The following ZC3H7B variants were observed in gnomAD, a reference collection of about 807,000 sequenced individuals.
The protein encoded by ZC3H7B is zinc finger CCCH domain-containing protein 7B.
Under a neutral mutation model 116.0 loss-of-function variants are expected in ZC3H7B, and 35 were observed. That is an observed-to-expected ratio of 0.30 (90% CI 0.23 to 0.40). The LOEUF (loss-of-function observed/expected upper bound fraction) is 0.40. Ranked by LOEUF, ZC3H7B falls within the 10% of genes least tolerant of loss-of-function variation. The pLI is 1.00. For synonymous variants in ZC3H7B, 502 were observed against 545.6 expected (o/e 0.92, Z 1.11); for missense variants, 1,011 against 1,321.5 (o/e 0.77, Z 3.64).
chr22:41,342,566 A>G lies in ZC3H7B; in HGVS notation c.1235A>G (p.Lys412Arg), dbSNP rs764848114. 10 of 1,613,340 alleles carry G rather than the reference A, an allele frequency of 6.2e-6. No homozygotes were observed. In the East Asian group the frequency reaches 1.6e-4, roughly 25 times the overall value. ...PCMPNTALLIKNPLAATHEFK... is the reference protein window; with the variant it reads ...PCMPNTALLIRNPLAATHEFK... ...ATGCCCAACACTGCCTTGCTCATCA[A>G]GAACCCCTTGGCTGCCACCCACGAG... The change falls in exon 12 of 23, where the codon AAG (lysine) becomes AGG (arginine). Residue 412 changes from lysine to arginine, a missense_variant. By Grantham distance (26) the Lys-to-Arg change is conservative (BLOSUM62 2). This residue lies in a region of ZC3H7B where 5 missense variants were observed against 19.3 expected (regional missense o/e 0.26). Transcript: ENST00000352645.
At chr22:41,330,202 G>A (rs2036364694) in intron 6 of ZC3H7B, 99 bp downstream of exon 6, 6 of 1,280,074 alleles carry the variant, frequency 4.7e-6, no homozygotes, top group South Asian at 1.3e-5. Context: ...GGTGGCCAGG[G>A]CTGGGTTAGG....
chr22:41,349,159 C>T lies in ZC3H7B; in HGVS notation c.1806C>T (p.Tyr602=), dbSNP rs1569242719. 1 of 1,613,842 alleles carries T rather than the reference C, an allele frequency of 6.2e-7. No homozygotes were observed. The highest frequency in any genetic ancestry group is 8.5e-7 in the Non-Finnish European group (1 of 1,180,016). ...VHIVRSTSLK[Y]SKIRQFQEHF... ...TCGTCCGCTCCACCTCCCTCAAGTA[C>T]TCCAAGATCCGCCAGTTCCAGGAGC... The change falls in exon 16 of 23, where the codon TAC becomes TAT. Residue 602 remains tyrosine (Y), a synonymous_variant. Coordinates refer to ENST00000352645, the MANE Select transcript of ZC3H7B (RefSeq NM_017590.6). The surrounding 1 kb of genome is among the most constrained non-coding windows in gnomAD (Gnocchi z 4.9).
At chr22:41,323,481 G>C (rs2036282223) in intron 2 of ZC3H7B, among the ~76,000 whole-genome samples, 1 of 152,236 alleles carries the variant, frequency 6.6e-6, no homozygotes, top group Non-Finnish European at 1.5e-5. Context: ...CATTGTGAAG[G>C]TTAAGGGACC....
Position 41,309,008 on chromosome 22 carries a change from C to CTTTTTTTTTTTTT in ZC3H7B, c.-7+7245_-7+7257dup, listed in dbSNP as rs57147100. ...GGGCCTTCCCTAAACTCCCAGTCTG[C>CTTTTTTTTTTTTT]TTTTTTTTTTTTTTTTTTTTTGAGA... On this transcript the variant is annotated intron_variant, in intron 1 of 22. Coordinates refer to ENST00000352645, the MANE Select transcript of ZC3H7B (RefSeq NM_017590.6). 1.3e-3 allele frequency among the ~76,000 whole-genome samples: 131 copies of CTTTTTTTTTTTTT among 103,278 alleles called. 12 individuals carry two copies. Among genetic ancestry groups the CTTTTTTTTTTTTT allele is most frequent in the African/African-American group, 2.0e-3 (60 of 29,684 alleles). The allele number at this position is 103,278 out of a possible 152,430, so 67.8% of individuals were successfully genotyped here.
At position 41,346,310 on chromosome 22, in the gene ZC3H7B, G is replaced by A. The variant is rs749085992; in HGVS notation, c.1665+102G>A. ...CCATAGGAAGTCAGCCCTGGAACCCGTGGGCTGTGGAGGCCTGGTCTTAGA... is the reference window on the plus strand; with the variant it reads ...CCATAGGAAGTCAGCCCTGGAACCCATGGGCTGTGGAGGCCTGGTCTTAGA... On this transcript the variant is annotated intron_variant, in intron 14 of 22. Transcript: ENST00000352645. The surrounding 1 kb of genome is among the most constrained non-coding windows in gnomAD (Gnocchi z 5.3). The A allele has an allele frequency of 7.5e-5, 100 of 1,328,720 alleles. No individual in the cohort carries two copies. The highest frequency in any genetic ancestry group is 2.5e-4 in the Middle Eastern group (1 of 3,932). 82.3% of individuals were successfully genotyped at this position (1,328,720 alleles called of 1,614,324 possible).
intron 10 of ZC3H7B, among the ~76,000 whole-genome samples, chr22:41,340,790 G>A (rs2036512608): frequency 2.0e-5 from 3 of 152,168 alleles, no homozygotes; most frequent in Admixed American, 6.5e-5. Flanking sequence ...CGGAGCAGCT[G>A]GGGTGGGGGC....
At chr22:41,307,776 G>A (rs532662465) in intron 1 of ZC3H7B, among the ~76,000 whole-genome samples, 1 of 152,318 alleles carries the variant, frequency 6.6e-6, no homozygotes, top group South Asian at 2.1e-4. Context: ...TGAGGAGCCT[G>A]AGGCTCAGAA....
chr22:41,331,924 GC>G (rs1473716695), intron 6 of ZC3H7B, among the ~76,000 whole-genome samples: 3 of 152,126 alleles, frequency 2.0e-5, no homozygotes, highest in Non-Finnish European at 4.4e-5. Context: ...CTAGCATGGT[GC>G]CTGACACACA....
chr22:41,355,450 C>A lies in ZC3H7B; in HGVS notation c.2035-19C>A. 1 of 1,613,330 alleles carries A rather than the reference C, an allele frequency of 6.2e-7. No homozygotes were observed. The highest frequency in any genetic ancestry group is 2.2e-5 in the East Asian group (1 of 44,886). Reference sequence around the variant, plus strand: ...TGGTGCCTGCAGCTTCACCAACCCCCCTCCCCATCCCCCCACAGGGTGCTC... The same window carrying A: ...TGGTGCCTGCAGCTTCACCAACCCCACTCCCCATCCCCCCACAGGGTGCTC... On this transcript the variant is annotated intron_variant, in intron 17 of 22. Coordinates refer to ENST00000352645, the MANE Select transcript of ZC3H7B (RefSeq NM_017590.6).
Position 41,357,980 on chromosome 22 carries a change from T to G in ZC3H7B, c.*551T>G. 1 of 158,404 alleles carries G rather than the reference T, an allele frequency of 6.3e-6. No individual in the cohort carries two copies. Among genetic ancestry groups the G allele is most frequent in the Non-Finnish European group, 1.4e-5 (1 of 71,264 alleles). The allele number at this position is 158,404 out of a possible 1,614,324, so 9.8% of individuals were successfully genotyped here. On this transcript the variant is annotated 3_prime_UTR_variant, in exon 23 of 23. Coordinates refer to ENST00000352645, the MANE Select transcript of ZC3H7B (RefSeq NM_017590.6). This position sits in a 1 kb window ranked among gnomAD's most constrained non-coding sequence, Gnocchi z 5.4. ...GGCCTCAGCTTTCCCTCCGGAAGGCTGGGAGGAGGTGGGCTAGATGATCTT... is the reference window on the plus strand; with the variant it reads ...GGCCTCAGCTTTCCCTCCGGAAGGCGGGGAGGAGGTGGGCTAGATGATCTT...
intron 14 of ZC3H7B, among the ~76,000 whole-genome samples, chr22:41,347,730 A>C (rs937723677): frequency 1.3e-5 from 2 of 152,170 alleles, no homozygotes; most frequent in African/African-American, 4.8e-5. Flanking sequence ...CCTGGGAATC[A>C]TAGTTCATAG....
In ZC3H7B at chr22:41,325,767, A is replaced by C. The variant is rs1306779082; in HGVS notation, c.134A>C (p.Asp45Ala). The C allele has an allele frequency of 6.2e-7, 1 of 1,613,986 alleles. No individual in the cohort carries two copies. Among genetic ancestry groups the C allele is most frequent in the South Asian group, 1.1e-5 (1 of 91,012 alleles). ...LVQNLFAEGN[D>A]LFREKDYKQA... ...CAGAATCTGTTTGCTGAGGGCAATG[A>C]TCTGTTCCGGGAGAAGGACTATAAG... The change falls in exon 4 of 23, where the codon GAT (aspartate) becomes GCT (alanine). Residue 45 changes from aspartate (D) to alanine (A), a missense_variant. By Grantham distance (126) the Asp-to-Ala change is moderately radical. This residue lies in a region of ZC3H7B where 322 missense variants were observed against 443.9 expected (regional missense o/e 0.73). Coordinates refer to ENST00000352645, the MANE Select transcript of ZC3H7B (RefSeq NM_017590.6).
At chr22:41,356,310 T>G (rs947960568) in intron 20 of ZC3H7B, 33 bp from the exon 21 acceptor site, 1 of 1,612,914 alleles carries the variant, frequency 6.2e-7, no homozygotes, top group African/African-American at 1.3e-5. Context: ...GAGAAGCCCC[T>G]CAGCAGGTGC....
At chr22:41,342,729 A>G (rs2036538120) in intron 12 of ZC3H7B, 101 bp downstream of exon 12, 4 of 1,216,482 alleles carry the variant, frequency 3.3e-6, no homozygotes, top group Non-Finnish European at 1.1e-6. Flanking sequence ...TCAGTTGGAG[A>G]TAAGTGCCAG....
intron 5 of ZC3H7B, 82 bp from the exon 6 acceptor site, chr22:41,329,941 G>A (rs1008426045): frequency 1.0e-5 from 15 of 1,468,214 alleles, no homozygotes; most frequent in Middle Eastern, 1.7e-4. Context: ...ACCTCCCTCC[G>A]TAGGGCTGCA....
chr22:41,345,431 C>T (rs2036572147), intron 13 of ZC3H7B, among the ~76,000 whole-genome samples: 1 of 151,914 alleles, frequency 6.6e-6, no homozygotes, highest in Admixed American at 6.6e-5. Flanking sequence ...ACTAAAAATA[C>T]AAAATTAGCC....
rs367865150 is a variant in ZC3H7B, at chr22:41,355,868, C to T, written c.2274+6C>T. ...ACTTCCCACAGCAATACGATGTGAG[C>T]GCTGGGATGGGGGGCTGGGGGTCCC... On this transcript the variant is annotated splice_donor_region_variant and intron_variant, in intron 19 of 22. Coordinates refer to ENST00000352645, the MANE Select transcript of ZC3H7B (RefSeq NM_017590.6). 8.1e-6 allele frequency: 13 copies of T among 1,613,286 alleles called. No individual in the cohort carries two copies. Among genetic ancestry groups the T allele is most frequent in the Middle Eastern group, 1.6e-4 (1 of 6,084 alleles).
At position 41,357,462 on chromosome 22, in the gene ZC3H7B, G is replaced by A. The variant is rs533227866; in HGVS notation, c.*33G>A. On this transcript the variant is annotated 3_prime_UTR_variant, in exon 23 of 23. Coordinates refer to ENST00000352645, the MANE Select transcript of ZC3H7B (RefSeq NM_017590.6). The surrounding 1 kb of genome is among the most constrained non-coding windows in gnomAD (Gnocchi z 5.4). ...TGTTGGCCGTGGGTGAAGTCCTGGG[G>A]TCAGGGGGTGGGGTGGGGCCAGAAG... is the stretch of plus-strand genomic sequence containing the variant. 6.5e-7 allele frequency: 1 copy of A among 1,545,600 alleles called. No individual in the cohort carries two copies. Among genetic ancestry groups the A allele is most frequent in the Admixed American group, 1.7e-5 (1 of 58,084 alleles).
At chr22:41,306,295 A>G (rs1309248684) in intron 1 of ZC3H7B, among the ~76,000 whole-genome samples, 1 of 151,934 alleles carries the variant, frequency 6.6e-6, no homozygotes, top group East Asian at 1.9e-4. Flanking sequence ...AAAAATTTTT[A>G]TTAATTTAGT....
Sources: gnomAD v4.1 joint callset for allele counts (sites outside exome capture counted in the v4.1 genomes callset) on GRCh38, gnomAD v4.1.1 for gene constraint, gnomAD v4.1.1 regional missense constraint, Gnocchi (gnomAD v3.1) non-coding constraint, MANE v1.5 for transcripts, NCBI Gene and HGNC (gene_info 2026-07-23, HGNC 2026-07-21) for gene names.